Variants in HECW2 observed in about 807,000 individuals in gnomAD.
HECW2 encodes the protein E3 ubiquitin-protein ligase HECW2.
Under a neutral mutation model 175.2 loss-of-function variants are expected in HECW2, and 61 were observed. The observed-to-expected ratio is 0.35, with a 90% CI of 0.28 to 0.43. HECW2 has a LOEUF of 0.43. Among genes scored for constraint, HECW2 ranks in the 20% least tolerant of loss-of-function variants. HECW2 has a pLI of 1.00. For synonymous variants in HECW2, 671 were observed against 731.0 expected (o/e 0.92, Z 1.32); for missense variants, 1,524 against 2,000.5 (o/e 0.76, Z 4.54).
At chr2:196,387,386 G>C (rs1694379784) in intron 2 of HECW2, among the ~76,000 whole-genome samples, 1 of 152,148 alleles carries the variant, frequency 6.6e-6, no homozygotes, top group Admixed American at 6.6e-5. Flanking sequence ...ATAAAAGAGA[G>C]AGCTTGTTCA....
intron 18 of HECW2, among the ~76,000 whole-genome samples, chr2:196,255,636 A>T (rs570585410): frequency 6.0e-4 from 91 of 152,340 alleles, no homozygotes; most frequent in Admixed American, 1.8e-3. Flanking sequence ...TGATAAGTCA[A>T]TTTGTACCAG....
chr2:196,521,589 A>G lies in HECW2; in HGVS notation c.-36+71919T>C, dbSNP rs1178016201. On this transcript the variant is annotated intron_variant, in intron 1 of 28. Transcript: ENST00000644978. Reference sequence around the variant, plus strand: ...GCTGGTGCGCTGCACCCACTAACTCATCATCTAGCATTAGGTATATCTCCC... The same window carrying G: ...GCTGGTGCGCTGCACCCACTAACTCGTCATCTAGCATTAGGTATATCTCCC... Among the ~76,000 whole-genome samples the G allele has an allele frequency of 8.8e-5, 13 of 146,912 alleles. No individual in the cohort carries two copies. The South Asian group carries it at 2.0e-3, about 22-fold the overall frequency.
At chr2:196,514,030 T>C (rs958507694) in intron 1 of HECW2, among the ~76,000 whole-genome samples, 3 of 152,014 alleles carry the variant, frequency 2.0e-5, no homozygotes, top group Middle Eastern at 3.4e-3. Context: ...CACTTTGGAG[T>C]TGGAGGGGCA....
At chr2:196,581,405 G>A (rs190870734) in intron 1 of HECW2, among the ~76,000 whole-genome samples, 104 of 152,194 alleles carry the variant, frequency 6.8e-4, no homozygotes, top group Middle Eastern at 6.8e-3. Context: ...ATGGTGGCAT[G>A]TGCCTGTAGT....
chr2:196,359,446 TAAAACAAACAAACAAACAAAC>T (rs1369983252), intron 2 of HECW2, among the ~76,000 whole-genome samples: 2 of 148,704 alleles, frequency 1.3e-5, no homozygotes, highest in African/African-American at 5.1e-5. Context: ...GACTCCATCT[TAAAACAAACAAACAAACAAAC>T]AAACAAACAA....
At chr2:196,412,823 A>G (rs1381474359) in intron 2 of HECW2, among the ~76,000 whole-genome samples, 1 of 152,236 alleles carries the variant, frequency 6.6e-6, no homozygotes, top group Non-Finnish European at 1.5e-5. Context: ...ATTAAATTTT[A>G]AAATACTGCC....
At chr2:196,231,092 C>CAAAAA (rs10653412) in intron 21 of HECW2, among the ~76,000 whole-genome samples, 1,346 of 54,986 alleles carry the variant, frequency 0.024, 121 homozygotes, top group African/African-American at 0.043. Flanking sequence ...GACTCCGTCT[C>CAAAAA]AAAAAAAAAA....
intron 2 of HECW2, 113 bp from the exon 3 acceptor site, chr2:196,343,877 T>G: frequency 1.4e-6 from 1 of 724,868 alleles, no homozygotes; most frequent in South Asian, 1.7e-5. Context: ...GAAAATATAA[T>G]GCACATTATT....
intron 2 of HECW2, among the ~76,000 whole-genome samples, chr2:196,407,477 C>T (rs1444232135): frequency 6.6e-6 from 1 of 152,218 alleles, no homozygotes; most frequent in East Asian, 1.9e-4. Flanking sequence ...GCTGGGATTA[C>T]AGGCATGAGC....
At chr2:196,393,323 C>T (rs552852602) in intron 2 of HECW2, among the ~76,000 whole-genome samples, 3 of 152,230 alleles carry the variant, frequency 2.0e-5, no homozygotes, top group Admixed American at 1.3e-4. Flanking sequence ...AACTAAAGAG[C>T]TTCTGCACAG....
chr2:196,392,849 C>T (rs992422805), intron 2 of HECW2, among the ~76,000 whole-genome samples: 1 of 152,150 alleles, frequency 6.6e-6, no homozygotes, highest in South Asian at 2.1e-4. Context: ...ATTGCCAAGA[C>T]AATCCTAAGC....
At chr2:196,240,147 C>T (rs1688394120) in intron 21 of HECW2, 2 of 208,428 alleles carry the variant, frequency 9.6e-6, no homozygotes, top group Non-Finnish European at 1.9e-5. Flanking sequence ...TGTTTTTTTT[C>T]CTTGTAAAGC....
At chr2:196,535,050 C>CAAAAAAAAA (rs34284545) in intron 1 of HECW2, among the ~76,000 whole-genome samples, 1 of 134,290 alleles carries the variant, frequency 7.4e-6, no homozygotes, top group Non-Finnish European at 1.6e-5. Context: ...GTCAATATAA[C>CAAAAAAAAA]AAAAAAAAAA....
chr2:196,203,388 A>T, intron 28 of HECW2, among the ~76,000 whole-genome samples: 1 of 152,190 alleles, frequency 6.6e-6, no homozygotes, highest in East Asian at 1.9e-4. Context: ...TTTATAATCT[A>T]TCATCTGTGA....
At chr2:196,589,806 G>A (rs186565894) in intron 1 of HECW2, among the ~76,000 whole-genome samples, 3 of 152,336 alleles carry the variant, frequency 2.0e-5, no homozygotes, top group African/African-American at 7.2e-5. Flanking sequence ...CAAAGGATTT[G>A]TCCCAATTAG....
In HECW2 at chr2:196,209,965, A is replaced by G. The variant is rs370401936; in HGVS notation, c.4607+5900T>C. Among the ~76,000 whole-genome samples, 180 of 152,080 alleles carry G rather than the reference A, an allele frequency of 1.2e-3. 7 individuals are homozygous for G. The South Asian group carries it at 0.033, about 27-fold the overall frequency. On this transcript the variant is annotated intron_variant, in intron 28 of 28. Transcript: ENST00000644978. ...TTTTTAGTAGAGACGGGGTTTCACC[A>G]TGTTAGCCAGGATGGTCTCCATCTC...
At chr2:196,536,071 A>C (rs1389038243) in intron 1 of HECW2, among the ~76,000 whole-genome samples, 1 of 152,232 alleles carries the variant, frequency 6.6e-6, no homozygotes, top group African/African-American at 2.4e-5. Context: ...CTGGAAAGGT[A>C]ATGTGTGCCC....
chr2:196,440,828 C>T (rs1203674948), intron 1 of HECW2, among the ~76,000 whole-genome samples: 1 of 152,080 alleles, frequency 6.6e-6, no homozygotes, highest in African/African-American at 2.4e-5. Context: ...TAACTCATCC[C>T]TCCCAGGGTG....
At chr2:196,217,216 A>C in intron 26 of HECW2, 123 bp from the exon 27 acceptor site, 1 of 659,090 alleles carries the variant, frequency 1.5e-6, no homozygotes, top group Non-Finnish European at 2.6e-6. Context: ...AGTTGTCTAT[A>C]ATTTTAAGAC....
Sources: allele counts gnomAD v4.1 joint callset (sites outside exome capture counted in the v4.1 genomes callset), GRCh38; gene constraint gnomAD v4.1.1; transcripts MANE v1.5; gene names NCBI Gene and HGNC (gene_info 2026-07-23, HGNC 2026-07-21).